MYO5B: variants seen among roughly 807,000 people sequenced by gnomAD.
MYO5B encodes unconventional myosin-Vb.
MYO5B carries 143 observed loss-of-function variants against 229.3 expected under a neutral mutation model. The ratio of observed to expected loss-of-function variants is 0.62; its 90% CI spans 0.54 to 0.72. MYO5B has a LOEUF of 0.72. Among genes scored for constraint, MYO5B ranks in the 30% least tolerant of loss-of-function variants. MYO5B has a pLI of 0.00. For missense variants in MYO5B, 2,321 were observed against 2,331.0 expected, an observed-to-expected ratio of 1.00 and a Z score of 0.09; for synonymous variants, 918 against 885.2, an observed-to-expected ratio of 1.04 and a Z score of -0.66.
chr18:49,925,823 G>A (rs1397463597), intron 17 of MYO5B, among the ~76,000 whole-genome samples: 4 of 152,170 alleles, frequency 2.6e-5, no homozygotes, highest in Non-Finnish European at 5.9e-5. Flanking sequence ...TTGTAAGCAG[G>A]CAATGAAAGG....
Position 49,847,192 on chromosome 18 carries a change from C to T in MYO5B, c.4413G>A (p.Glu1471=). 1 of 1,614,174 alleles carries T rather than the reference C, an allele frequency of 6.2e-7. No homozygotes were observed. ...RKEKDFQGML[E]YHKEDEALLI... ...GGAGGGCCTCGTCCTCTTTGTGGTACTCCAGCATGCCCTGGAAATCCTTCT... is the reference window on the plus strand; with the variant it reads ...GGAGGGCCTCGTCCTCTTTGTGGTATTCCAGCATGCCCTGGAAATCCTTCT... Residue 1471 remains glutamate, a synonymous_variant, in exon 33 of 40, where the codon GAG becomes GAA. Transcript: ENST00000285039.
chr18:49,909,879 G>C (rs538379691), intron 18 of MYO5B, among the ~76,000 whole-genome samples: 1 of 152,272 alleles, frequency 6.6e-6, no homozygotes, highest in Non-Finnish European at 1.5e-5. Context: ...CAAGTCACTT[G>C]TTTTTTCATT....
At chr18:49,978,452 A>C (rs1406994364) in intron 9 of MYO5B, among the ~76,000 whole-genome samples, 2 of 152,100 alleles carry the variant, frequency 1.3e-5, no homozygotes, top group East Asian at 3.9e-4. Context: ...CGGACTCCCC[A>C]GCCCTGGTTC....
rs1003440083 is a variant in MYO5B at position 50,152,824 on chromosome 18, T to C, written c.27+41943A>G. The stretch of plus-strand genomic sequence containing the variant: ...AAACAAAAACTATGATTGTATATTT[T>C]TTGGTGTTCATTAAAAGAAATAGTA... On this transcript the variant is annotated intron_variant, in intron 1 of 39. Transcript: ENST00000285039. Among the ~76,000 whole-genome samples, 94 of 151,814 alleles carry C rather than the reference T, an allele frequency of 6.2e-4. 2 individuals carry two copies. The highest frequency in any genetic ancestry group is 1.2e-4 in the Non-Finnish European group (8 of 67,988).
Position 49,853,336 on chromosome 18 carries a change from C to T in MYO5B, c.4221+113G>A, listed in dbSNP as rs2024223436. 4 of 1,060,980 alleles carry T rather than the reference C, an allele frequency of 3.8e-6. No homozygotes were observed. The Admixed American group carries it at 5.7e-5, about 15-fold the overall frequency. 65.7% of individuals were successfully genotyped at this position (1,060,980 alleles called of 1,614,324 possible). ...GAGACTTCTAGAATCTCTGTTCCTA[C>T]TATAGGGCCAAGGGTCATGAACCTT... is the stretch of plus-strand genomic sequence containing the variant. On this transcript the variant is annotated intron_variant, in intron 31 of 39. Coordinates refer to ENST00000285039, the MANE Select transcript of MYO5B (RefSeq NM_001080467.3).
Position 49,949,502 on chromosome 18 carries a change from C to T in MYO5B, c.1752+3758G>A, listed in dbSNP as rs199521281. Among the ~76,000 whole-genome samples the T allele has an allele frequency of 2.2e-4, 33 of 152,294 alleles. 1 individual carries two copies. The East Asian group carries it at 6.2e-3, about 29-fold the overall frequency. ...ACAACCGCTCAGACAATGGAACTGG[C>T]TTCACTAATTACATTCTCATTAACA... On this transcript the variant is annotated intron_variant, in intron 14 of 39. Transcript: ENST00000285039.
intron 1 of MYO5B, among the ~76,000 whole-genome samples, chr18:50,193,568 T>C (rs955800837): frequency 3.3e-5 from 5 of 152,248 alleles, no homozygotes; most frequent in African/African-American, 1.2e-4. Flanking sequence ...GAAGTGACTG[T>C]TCCTACCCAG....
At chr18:49,996,401 A>T (rs953073790) in intron 5 of MYO5B, among the ~76,000 whole-genome samples, 7 of 152,246 alleles carry the variant, frequency 4.6e-5, no homozygotes, top group Non-Finnish European at 2.9e-5. Context: ...ATAAAAAAGA[A>T]ATACAACCCA....
intron 1 of MYO5B, among the ~76,000 whole-genome samples, chr18:50,148,209 A>G (rs1221234684): frequency 1.3e-5 from 2 of 150,822 alleles, no homozygotes; most frequent in Non-Finnish European, 3.0e-5. Context: ...ACCAACCAAA[A>G]AGAGTCCAGG....
At position 49,973,353 on chromosome 18, in the gene MYO5B, A is replaced by G. The variant is rs1449338347; in HGVS notation, c.1322+997T>C. ...CACGTGGGGAAGTGGCCACTTCTACAGGGGACTGGCCTTTATTCCAACCTC... is the reference window on the plus strand; with the variant it reads ...CACGTGGGGAAGTGGCCACTTCTACGGGGGACTGGCCTTTATTCCAACCTC... On this transcript the variant is annotated intron_variant, in intron 10 of 39. Coordinates refer to ENST00000285039, the MANE Select transcript of MYO5B (RefSeq NM_001080467.3). Among the ~76,000 whole-genome samples the G allele has an allele frequency of 2.0e-5, 3 of 152,220 alleles. No individual in the cohort carries two copies. In the East Asian group the frequency reaches 5.8e-4, roughly 29 times the overall value.
At chr18:49,867,492 G>A (rs1019860343) in intron 27 of MYO5B, among the ~76,000 whole-genome samples, 3 of 152,102 alleles carry the variant, frequency 2.0e-5, no homozygotes, top group Non-Finnish European at 2.9e-5. Context: ...AGTGTGCTGA[G>A]GCTGGGCCCT....
chr18:50,012,538 G>A (rs2026173285), intron 4 of MYO5B, among the ~76,000 whole-genome samples: 1 of 152,214 alleles, frequency 6.6e-6, no homozygotes, highest in South Asian at 2.1e-4. Flanking sequence ...AAATAATGAT[G>A]TAGACTGGTC....
intron 16 of MYO5B, among the ~76,000 whole-genome samples, chr18:49,930,050 G>T (rs1161066910): frequency 6.6e-6 from 1 of 152,182 alleles, no homozygotes; most frequent in Non-Finnish European, 1.5e-5. Flanking sequence ...GGCAGATCTG[G>T]GTTTCAATCA....
intron 1 of MYO5B, among the ~76,000 whole-genome samples, chr18:50,077,157 T>C (rs1156878449): frequency 3.8e-5 from 4 of 105,712 alleles, no homozygotes; most frequent in Non-Finnish European, 3.9e-5. Context: ...GGTTAATTTA[T>C]TGTGGCAAAG....
At chr18:49,848,043 A>C (rs1403055493) in intron 32 of MYO5B, among the ~76,000 whole-genome samples, 2 of 152,264 alleles carry the variant, frequency 1.3e-5, no homozygotes, top group Non-Finnish European at 1.5e-5. Flanking sequence ...GTAGAGGGAC[A>C]GTGGGCAACC....
intron 4 of MYO5B, among the ~76,000 whole-genome samples, chr18:50,031,451 G>T (rs1013867136): frequency 6.6e-6 from 1 of 152,190 alleles, no homozygotes; most frequent in Non-Finnish European, 1.5e-5. Flanking sequence ...GCAACTCTGA[G>T]AATTAGATGC....
chr18:49,969,719 A>C (rs2025669370), intron 10 of MYO5B: 1 of 152,222 alleles, frequency 6.6e-6, no homozygotes, highest in African/African-American at 2.4e-5. Flanking sequence ...AAGAGCACCG[A>C]ATAGAGTTGG....
chr18:49,958,226 C>T (rs1182205568), intron 12 of MYO5B, among the ~76,000 whole-genome samples: 1 of 152,142 alleles, frequency 6.6e-6, no homozygotes. Context: ...GAATTTCACT[C>T]GGAGAATCAC....
At chr18:50,126,827 T>G (rs572053239) in intron 1 of MYO5B, among the ~76,000 whole-genome samples, 193 of 152,352 alleles carry the variant, frequency 1.3e-3, no homozygotes, top group African/African-American at 4.2e-3. Flanking sequence ...CCAGCCCTGC[T>G]GCTCTCTGGC....
Sources: gnomAD v4.1 joint callset for allele counts (sites outside exome capture counted in the v4.1 genomes callset) on GRCh38, gnomAD v4.1.1 for gene constraint, MANE v1.5 for transcripts, NCBI Gene and HGNC (gene_info 2026-07-23, HGNC 2026-07-21) for gene names.